Variants in SLC30A8 observed in about 807,000 individuals in gnomAD.
SLC30A8 encodes proton-coupled zinc antiporter SLC30A8.
SLC30A8 carries 27 observed loss-of-function variants against 36.9 expected under a neutral mutation model. The ratio of observed to expected loss-of-function variants is 0.73; its 90% CI spans 0.54 to 1.01. The LOEUF (loss-of-function observed/expected upper bound fraction) is 1.01, where lower values mean the gene tolerates loss of function less well. Ranked by LOEUF, SLC30A8 falls within the 50% of genes least tolerant of loss-of-function variation. SLC30A8 has a pLI of 0.00. For missense variants in SLC30A8, 439 were observed against 452.0 expected (o/e 0.97, Z 0.26); for synonymous variants, 164 against 172.4 (o/e 0.95, Z 0.38).
At chr8:116,951,356 G>A (rs976332606) in intron 1 of SLC30A8, among the ~76,000 whole-genome samples, 2 of 152,128 alleles carry the variant, frequency 1.3e-5, no homozygotes, top group Admixed American at 1.3e-4. Flanking sequence ...AACAAGGGAA[G>A]CTTGTTTAAA....
intron 2 of SLC30A8, among the ~76,000 whole-genome samples, chr8:117,126,086 C>A (rs1301186272): frequency 6.6e-6 from 1 of 151,914 alleles, no homozygotes; most frequent in African/African-American, 2.4e-5. Flanking sequence ...AATGCAATTT[C>A]AAGCTTAATA....
chr8:117,047,343 G>T (rs776997922), intron 2 of SLC30A8, among the ~76,000 whole-genome samples: 1 of 152,190 alleles, frequency 6.6e-6, no homozygotes, highest in African/African-American at 2.4e-5. Context: ...CTACAAGGCC[G>T]TTGAGTGACA....
intron 2 of SLC30A8, among the ~76,000 whole-genome samples, chr8:117,081,549 A>G (rs371131902): frequency 6.6e-6 from 1 of 152,178 alleles, no homozygotes. Flanking sequence ...TGTTGAGGCT[A>G]GGACTTCAAC....
At chr8:117,090,654 G>A (rs2130829110) in intron 2 of SLC30A8, among the ~76,000 whole-genome samples, 1 of 152,212 alleles carries the variant, frequency 6.6e-6, no homozygotes, top group South Asian at 2.1e-4. Context: ...CATACCAAAG[G>A]CTTCACCTCC....
At chr8:117,143,665 A>AACAC (rs58613241) in intron 1 of SLC30A8, among the ~76,000 whole-genome samples, 30,495 of 146,070 alleles carry the variant, frequency 0.21, 4,991 homozygotes, top group African/African-American at 0.46. Flanking sequence ...TCTCCCATAA[A>AACAC]ACACACACAC....
intron 2 of SLC30A8, among the ~76,000 whole-genome samples, chr8:117,049,787 A>G (rs1176606985): frequency 6.6e-6 from 1 of 152,128 alleles, no homozygotes; most frequent in South Asian, 2.1e-4. Context: ...GAGCTGATAT[A>G]TAGCTGCTCA....
intron 6 of SLC30A8, among the ~76,000 whole-genome samples, chr8:117,167,459 C>A (rs1823114353): frequency 6.9e-6 from 1 of 144,194 alleles, no homozygotes. Context: ...ATTTATCTTT[C>A]CAAAGATATT....
intron 1 of SLC30A8, among the ~76,000 whole-genome samples, chr8:116,956,489 A>T (rs1814208240): frequency 6.6e-6 from 1 of 152,216 alleles, no homozygotes; most frequent in South Asian, 2.1e-4. Context: ...TACTATAGTA[A>T]AAACTTCACT....
At chr8:117,051,584 C>T (rs952358007) in intron 2 of SLC30A8, among the ~76,000 whole-genome samples, 17 of 152,054 alleles carry the variant, frequency 1.1e-4, no homozygotes, top group Non-Finnish European at 1.8e-4. Context: ...GAGGCTGAGG[C>T]GGGCGGATCA....
At chr8:117,152,713 T>G (rs927490932) in intron 2 of SLC30A8, among the ~76,000 whole-genome samples, 2 of 152,196 alleles carry the variant, frequency 1.3e-5, no homozygotes, top group Non-Finnish European at 2.9e-5. Flanking sequence ...CTTTCTAGTC[T>G]CTATGTCTTT....
intron 1 of SLC30A8, among the ~76,000 whole-genome samples, chr8:117,144,335 C>G (rs1477578279): frequency 6.6e-6 from 1 of 152,162 alleles, no homozygotes; most frequent in South Asian, 2.1e-4. Flanking sequence ...ATCCTGAGTG[C>G]TATTCACATA....
chr8:116,970,512 C>T (rs1018307601), intron 1 of SLC30A8, among the ~76,000 whole-genome samples: 12 of 152,072 alleles, frequency 7.9e-5, no homozygotes, highest in African/African-American at 1.9e-4. Flanking sequence ...TACTTTTATA[C>T]GACTGGCAGC....
At chr8:117,061,017 T>C (rs1818010531) in intron 2 of SLC30A8, among the ~76,000 whole-genome samples, 1 of 152,236 alleles carries the variant, frequency 6.6e-6, no homozygotes, top group Non-Finnish European at 1.5e-5. Flanking sequence ...AAGACTTCTT[T>C]AGTATTGCTA....
chr8:117,105,546 G>A (rs182196094), intron 2 of SLC30A8, among the ~76,000 whole-genome samples: 63 of 152,190 alleles, frequency 4.1e-4, no homozygotes, highest in Non-Finnish European at 6.8e-4. Flanking sequence ...AAATTGGTTC[G>A]TAAGATTGGG....
intron 2 of SLC30A8, among the ~76,000 whole-genome samples, chr8:117,086,523 C>T (rs115220576): frequency 0.018 from 2,807 of 152,254 alleles, 92 homozygotes; most frequent in African/African-American, 0.064. Context: ...TTACTTCTGG[C>T]TCAAACATCT....
intron 2 of SLC30A8, among the ~76,000 whole-genome samples, chr8:117,052,909 C>CTT (rs35990196): frequency 0.25 from 36,140 of 143,478 alleles, 4,963 homozygotes; most frequent in African/African-American, 0.38. Context: ...CCTTTTTTTT[C>CTT]TTTTTTTTTT....
intron 2 of SLC30A8, among the ~76,000 whole-genome samples, chr8:117,053,014 C>T (rs1355263656): frequency 6.6e-6 from 1 of 151,790 alleles, no homozygotes; most frequent in African/African-American, 2.4e-5. Context: ...TCAAACGATT[C>T]TTCTGCCTCA....
intron 2 of SLC30A8, among the ~76,000 whole-genome samples, chr8:117,067,738 A>C (rs1203468156): frequency 6.6e-6 from 1 of 152,214 alleles, no homozygotes; most frequent in Non-Finnish European, 1.5e-5. Flanking sequence ...CTATAAATTC[A>C]GTGTACTAAT....
chr8:116,997,653 C>G (rs1815866224), intron 1 of SLC30A8, among the ~76,000 whole-genome samples: 1 of 152,010 alleles, frequency 6.6e-6, no homozygotes, highest in Non-Finnish European at 1.5e-5. Context: ...GGGTACATAG[C>G]AAAACACCCC....
Sources: gnomAD v4.1 joint callset for allele counts (sites outside exome capture counted in the v4.1 genomes callset) on GRCh38, gnomAD v4.1.1 for gene constraint, MANE v1.5 for transcripts, NCBI Gene and HGNC (gene_info 2026-07-23, HGNC 2026-07-21) for gene names.